Variants in INSYN2B observed in about 807,000 individuals in gnomAD.
INSYN2B encodes the protein inhibitory synaptic factor family member 2B.
INSYN2B carries 16 observed loss-of-function variants against 41.2 expected under a neutral mutation model. The observed-to-expected ratio is 0.39, with a 90% CI of 0.26 to 0.59. The LOEUF (loss-of-function observed/expected upper bound fraction) is 0.59, where lower values mean the gene tolerates loss of function less well. INSYN2B is among the 20% of genes least tolerant of loss of function. The pLI is 0.57. For missense variants in INSYN2B, 608 were observed against 646.4 expected (o/e 0.94, Z 0.64); for synonymous variants, 245 against 244.4 (o/e 1.00, Z -0.02).
At chr5:169,934,840 G>A (rs1340302033) in intron 1 of INSYN2B, 17 of 406,696 alleles carry the variant, frequency 4.2e-5, no homozygotes, top group Non-Finnish European at 8.0e-5. Context: ...TCTGCAAATA[G>A]GTAAATAAAG....
At position 169,883,442 on chromosome 5, in the gene INSYN2B, A is replaced by C; in HGVS notation, c.457T>G (p.Leu153Val). 6.4e-7 allele frequency: 1 copy of C among 1,551,678 alleles called. No homozygotes were observed. Among genetic ancestry groups the C allele is most frequent in the Non-Finnish European group, 8.7e-7 (1 of 1,146,970 alleles). Residue 153 changes from leucine (L) to valine (V), a missense_variant, in exon 2 of 4, where the codon TTG becomes GTG. Leu to Val is a conservative substitution (Grantham distance 32). Transcript: ENST00000377365. ...GGCCCATCCTCAAGATGCTGAGCCA[A>C]CCTTAAGTAGGCAAGGTCAGAAGAC... is the stretch of plus-strand genomic sequence containing the variant. ...IVSSDLAYLR[L>V]AQHLEDGPRR...
chr5:169,872,808 G>T (rs1772069074), intron 3 of INSYN2B, among the ~76,000 whole-genome samples: 1 of 152,214 alleles, frequency 6.6e-6, no homozygotes, highest in Non-Finnish European at 1.5e-5. Flanking sequence ...GGCTCCCTGG[G>T]ATCTTGGGCA....
chr5:169,921,616 T>C (rs910444576), intron 1 of INSYN2B, among the ~76,000 whole-genome samples: 4 of 152,232 alleles, frequency 2.6e-5, no homozygotes, highest in African/African-American at 9.6e-5. Context: ...TAACTTTGTT[T>C]AACCCAGTGT....
In INSYN2B at chr5:169,884,691, C is replaced by T. The variant is rs11741459; in HGVS notation, c.-793G>A. 6.9e-4 allele frequency: 105 copies of T among 152,422 alleles called. No individual in the cohort carries two copies. The highest frequency in any genetic ancestry group is 1.0e-3 in the South Asian group (5 of 4,806). The allele number at this position is 152,422 out of a possible 1,614,324, so 9.4% of individuals were successfully genotyped here. A position where few individuals can be genotyped will look rare whatever the true frequency, so the allele number is the denominator to read the frequency against. ...AGAGTCCCTGTTGTGGTGTGTTGGCCGAAGTTCACATGTGGGCACGGTGAG... is the reference window on the plus strand; with the variant it reads ...AGAGTCCCTGTTGTGGTGTGTTGGCTGAAGTTCACATGTGGGCACGGTGAG... On this transcript the variant is annotated 5_prime_UTR_variant, in exon 2 of 4. Coordinates refer to ENST00000377365, the MANE Select transcript of INSYN2B (RefSeq NM_001129891.3).
chr5:169,952,844 A>G (rs984699470), intron 1 of INSYN2B, among the ~76,000 whole-genome samples: 1 of 152,180 alleles, frequency 6.6e-6, no homozygotes, highest in African/African-American at 2.4e-5. Context: ...ATGAATGGAA[A>G]GATGGACAGA....
At chr5:169,951,410 C>T (rs1381582502) in intron 1 of INSYN2B, among the ~76,000 whole-genome samples, 1 of 152,192 alleles carries the variant, frequency 6.6e-6, no homozygotes, top group Non-Finnish European at 1.5e-5. Flanking sequence ...TCCAGATCTT[C>T]TGGATACCAT....
intron 1 of INSYN2B, among the ~76,000 whole-genome samples, chr5:169,967,902 A>T (rs563953346): frequency 6.6e-6 from 1 of 152,326 alleles, no homozygotes; most frequent in East Asian, 1.9e-4. Flanking sequence ...GGTGGAACAA[A>T]GGACTATGGC....
chr5:169,933,126 CAG>C (rs1413416616), intron 1 of INSYN2B, among the ~76,000 whole-genome samples: 1 of 152,208 alleles, frequency 6.6e-6, no homozygotes, highest in Non-Finnish European at 1.5e-5. Flanking sequence ...TCACCTGAAA[CAG>C]GGTAAGGAGA....
intron 1 of INSYN2B, among the ~76,000 whole-genome samples, chr5:169,908,963 G>A (rs1366236031): frequency 6.6e-6 from 1 of 152,134 alleles, no homozygotes; most frequent in African/African-American, 2.4e-5. Context: ...TATGTCCAAG[G>A]TCACAGAACT....
intron 1 of INSYN2B, among the ~76,000 whole-genome samples, chr5:169,906,982 T>C (rs1774317206): frequency 6.6e-6 from 1 of 152,188 alleles, no homozygotes. Context: ...TCAGGCACTG[T>C]CCTAGGGACT....
intron 1 of INSYN2B, among the ~76,000 whole-genome samples, chr5:169,952,075 A>C (rs1405764878): frequency 6.6e-6 from 1 of 152,224 alleles, no homozygotes; most frequent in African/African-American, 2.4e-5. Flanking sequence ...CCTAAGCCCC[A>C]AGGGTTTCTC....
At chr5:169,953,776 C>T (rs1394596615) in intron 1 of INSYN2B, among the ~76,000 whole-genome samples, 1 of 152,198 alleles carries the variant, frequency 6.6e-6, no homozygotes, top group African/African-American at 2.4e-5. Flanking sequence ...CCTCGGGAGA[C>T]ACCTGGGATG....
chr5:169,977,211 G>A (rs1483391698), intron 1 of INSYN2B, among the ~76,000 whole-genome samples: 2 of 152,210 alleles, frequency 1.3e-5, no homozygotes, highest in African/African-American at 2.4e-5. Flanking sequence ...GGCACACACT[G>A]GACTTACTGA....
At chr5:169,966,772 G>C (rs944365013) in intron 1 of INSYN2B, among the ~76,000 whole-genome samples, 15 of 152,268 alleles carry the variant, frequency 9.9e-5, no homozygotes, top group African/African-American at 3.1e-4. Flanking sequence ...GGAAAGAATG[G>C]CCAGGACTCC....
At chr5:169,957,418 A>C (rs1447512874) in intron 1 of INSYN2B, among the ~76,000 whole-genome samples, 2 of 152,214 alleles carry the variant, frequency 1.3e-5, no homozygotes, top group African/African-American at 4.8e-5. Context: ...AACCAATGTT[A>C]GCTTAGTACT....
chr5:169,948,865 C>T (rs1022903550), intron 1 of INSYN2B, among the ~76,000 whole-genome samples: 2 of 152,028 alleles, frequency 1.3e-5, no homozygotes, highest in African/African-American at 4.8e-5. Flanking sequence ...GTGACTGGCA[C>T]CTGGTCATTC....
At chr5:169,950,574 T>C (rs1776620686) in intron 1 of INSYN2B, among the ~76,000 whole-genome samples, 3 of 152,200 alleles carry the variant, frequency 2.0e-5, no homozygotes, top group Admixed American at 2.0e-4. Context: ...TCAGTTTCTC[T>C]TTTGGTTTTA....
chr5:169,900,108 A>G (rs1178596567), intron 1 of INSYN2B, among the ~76,000 whole-genome samples: 3 of 152,130 alleles, frequency 2.0e-5, no homozygotes. Context: ...CTATGTGCCA[A>G]ACATTGTGCT....
intron 1 of INSYN2B, among the ~76,000 whole-genome samples, chr5:169,967,982 A>C (rs559873105): frequency 4.6e-5 from 7 of 152,180 alleles, no homozygotes; most frequent in Non-Finnish European, 8.8e-5. Context: ...GAAAGGTCTG[A>C]GAGGGGAAGG....
Sources: gnomAD v4.1 joint callset for allele counts (sites outside exome capture counted in the v4.1 genomes callset) on GRCh38, gnomAD v4.1.1 for gene constraint, MANE v1.5 for transcripts, NCBI Gene and HGNC (gene_info 2026-07-23, HGNC 2026-07-21) for gene names.